The following LRP1B variants were observed in gnomAD, a reference collection of about 807,000 sequenced individuals.
LRP1B encodes LDL receptor related protein 1B.
Under a neutral mutation model 556.6 loss-of-function variants are expected in LRP1B, and 217 were observed. That is an observed-to-expected ratio of 0.39 (90% CI 0.35 to 0.44). LRP1B has a LOEUF of 0.44. LRP1B is among the 20% of genes least tolerant of loss of function. The probability of loss-of-function intolerance (pLI) is 1.00; values close to 1 mark genes in which losing one functional copy is unlikely to be tolerated. For synonymous variants in LRP1B, 2,047 were observed against 1,865.8 expected (o/e 1.10, Z -2.50); for missense variants, 5,053 against 5,620.8 (o/e 0.90, Z 3.23).
chr2:141,790,309 G>T (rs1044160717), intron 2 of LRP1B, among the ~76,000 whole-genome samples: 2 of 145,294 alleles, frequency 1.4e-5, no homozygotes, highest in African/African-American at 2.5e-5. Flanking sequence ...GATTTCATTT[G>T]TATTTAAGCA....
intron 25 of LRP1B, among the ~76,000 whole-genome samples, chr2:140,878,287 A>C (rs1455742599): frequency 6.6e-6 from 1 of 152,168 alleles, no homozygotes; most frequent in Admixed American, 6.5e-5. Context: ...ACATTTATAA[A>C]ATTTCAATAT....
chr2:140,683,264 G>A (rs1685928111), intron 41 of LRP1B: 1 of 345,724 alleles, frequency 2.9e-6, no homozygotes, highest in Admixed American at 4.2e-5. Flanking sequence ...AGGGATCACT[G>A]GGAATGTTTT....
At chr2:141,683,685 A>C (rs781100313) in intron 2 of LRP1B, among the ~76,000 whole-genome samples, 37 of 152,156 alleles carry the variant, frequency 2.4e-4, no homozygotes, top group Non-Finnish European at 4.7e-4. Flanking sequence ...TTTATTAACA[A>C]GGAACCAATA....
intron 59 of LRP1B, among the ~76,000 whole-genome samples, chr2:140,475,883 C>T (rs1470971060): frequency 6.6e-6 from 1 of 151,918 alleles, no homozygotes; most frequent in Non-Finnish European, 1.5e-5. Context: ...AGTCACATTT[C>T]AAGTGCTCAG....
chr2:141,954,163 C>T (rs1055868684), intron 1 of LRP1B, among the ~76,000 whole-genome samples: 9 of 152,056 alleles, frequency 5.9e-5, no homozygotes, highest in African/African-American at 2.2e-4. Context: ...CTTCACTTTA[C>T]ATTATCTAAA....
At chr2:140,491,785 T>C (rs918758322) in intron 57 of LRP1B, among the ~76,000 whole-genome samples, 2 of 152,144 alleles carry the variant, frequency 1.3e-5, no homozygotes, top group African/African-American at 4.8e-5. Context: ...ATTTTATATT[T>C]TACTCAGTCT....
rs1257901436 is a variant in LRP1B, at chr2:140,232,875, T to C, written c.*311A>G. 6.0e-5 allele frequency: 11 copies of C among 182,176 alleles called. No homozygotes were observed. The highest frequency in any genetic ancestry group is 1.1e-4 in the Non-Finnish European group (10 of 88,342). The allele number at this position is 182,176 out of a possible 1,614,324, so 11.3% of individuals were successfully genotyped here. A position where few individuals can be genotyped will look rare whatever the true frequency, so the allele number is the denominator to read the frequency against. On this transcript the variant is annotated 3_prime_UTR_variant, in exon 91 of 91. Transcript: ENST00000389484. ...TACAACCAAAAAAGTTCATATAAAA[T>C]AGATTGCTCATATTCACACTACAAA...
chr2:141,593,272 T>C (rs1443800567), intron 2 of LRP1B, among the ~76,000 whole-genome samples: 1 of 152,188 alleles, frequency 6.6e-6, no homozygotes, highest in Non-Finnish European at 1.5e-5. Context: ...AGTGTATTTC[T>C]ACCAGGAAAA....
At chr2:141,011,515 C>T (rs541285136) in intron 14 of LRP1B, among the ~76,000 whole-genome samples, 18 of 152,082 alleles carry the variant, frequency 1.2e-4, no homozygotes, top group African/African-American at 3.9e-4. Context: ...TATTGTATTG[C>T]TTGATCAAAC....
chr2:140,945,951 A>G (rs1222453854), intron 20 of LRP1B, among the ~76,000 whole-genome samples: 1 of 152,182 alleles, frequency 6.6e-6, no homozygotes, highest in African/African-American at 2.4e-5. Context: ...GTCTTTGCAA[A>G]CTACACATCT....
intron 41 of LRP1B, among the ~76,000 whole-genome samples, chr2:140,678,937 C>T (rs1319258032): frequency 2.0e-5 from 3 of 152,074 alleles, no homozygotes; most frequent in African/African-American, 7.2e-5. Context: ...GCCATCATGC[C>T]CTGCTAATTT....
At chr2:140,830,979 C>A (rs1302276899) in intron 31 of LRP1B, among the ~76,000 whole-genome samples, 1 of 151,762 alleles carries the variant, frequency 6.6e-6, no homozygotes, top group East Asian at 1.9e-4. Context: ...ATATAAAATG[C>A]CTAGAAATAA....
intron 1 of LRP1B, among the ~76,000 whole-genome samples, chr2:142,124,371 A>T (rs1373006270): frequency 6.6e-6 from 1 of 151,928 alleles, no homozygotes; most frequent in Non-Finnish European, 1.5e-5. Context: ...TTGGGTACCT[A>T]ATTGTAGACT....
chr2:141,572,937 A>T (rs774761621), intron 2 of LRP1B, among the ~76,000 whole-genome samples: 1 of 152,130 alleles, frequency 6.6e-6, no homozygotes, highest in African/African-American at 2.4e-5. Context: ...ATACAGGAGC[A>T]CCCAGATTCA....
intron 61 of LRP1B, 97 bp from the exon 62 acceptor site, chr2:140,456,700 G>T: frequency 9.3e-7 from 1 of 1,071,620 alleles, no homozygotes; most frequent in Non-Finnish European, 1.3e-6. Flanking sequence ...TGCATAACTT[G>T]AATTAGAATA....
chr2:140,877,817 A>G (rs1387335952), intron 25 of LRP1B, among the ~76,000 whole-genome samples: 1 of 152,152 alleles, frequency 6.6e-6, no homozygotes, highest in African/African-American at 2.4e-5. Flanking sequence ...ACAAAATCAA[A>G]CTGTCCTCCG....
At chr2:140,253,120 T>C (rs1386514402) in intron 86 of LRP1B, among the ~76,000 whole-genome samples, 1 of 152,038 alleles carries the variant, frequency 6.6e-6, no homozygotes, top group African/African-American at 2.4e-5. Flanking sequence ...TTATGTCTGT[T>C]GTAATAAATT....
At chr2:141,360,744 A>G (rs1050810133) in intron 3 of LRP1B, among the ~76,000 whole-genome samples, 1 of 152,218 alleles carries the variant, frequency 6.6e-6, no homozygotes, top group African/African-American at 2.4e-5. Flanking sequence ...CAATGTCTAC[A>G]TACACTGTAG....
intron 20 of LRP1B, among the ~76,000 whole-genome samples, chr2:140,943,234 C>A (rs1695451595): frequency 6.6e-6 from 1 of 152,062 alleles, no homozygotes; most frequent in African/African-American, 2.4e-5. Context: ...AAAATACTAA[C>A]TTTCCTAAAT....
Sources: gnomAD v4.1 joint callset for allele counts (sites outside exome capture counted in the v4.1 genomes callset) on GRCh38, gnomAD v4.1.1 for gene constraint, MANE v1.5 for transcripts, NCBI Gene and HGNC (gene_info 2026-07-23, HGNC 2026-07-21) for gene names.